PRKG1: variants seen among roughly 807,000 people sequenced by gnomAD.
PRKG1 encodes protein kinase cGMP-dependent 1.
In PRKG1, 35 loss-of-function variants were observed where a neutral mutation model predicts 88.1. The observed-to-expected ratio is 0.40, with a 90% CI of 0.30 to 0.53. PRKG1 has a LOEUF of 0.53. Ranked by LOEUF, PRKG1 falls within the 20% of genes least tolerant of loss-of-function variation. The probability of loss-of-function intolerance (pLI) is 0.59; values close to 1 mark genes in which losing one functional copy is unlikely to be tolerated. For missense variants in PRKG1, 540 were observed against 839.8 expected, an observed-to-expected ratio of 0.64 and a Z score of 4.41; for synonymous variants, 303 against 292.5, an observed-to-expected ratio of 1.04 and a Z score of -0.37.
At chr10:52,275,633 C>CT (rs1170415590) in intron 12 of PRKG1, among the ~76,000 whole-genome samples, 1 of 152,032 alleles carries the variant, frequency 6.6e-6, no homozygotes, top group Non-Finnish European at 1.5e-5. Context: ...CAGATTTGTT[C>CT]TTTTTGCTTA....
At chr10:51,043,658 C>G (rs529713478) in intron 1 of PRKG1, among the ~76,000 whole-genome samples, 64 of 152,268 alleles carry the variant, frequency 4.2e-4, no homozygotes, top group Non-Finnish European at 6.8e-4. Flanking sequence ...AATGATTAAC[C>G]ACCTATACCA....
At chr10:52,238,569 A>C (rs1378338994) in intron 9 of PRKG1, among the ~76,000 whole-genome samples, 1 of 151,600 alleles carries the variant, frequency 6.6e-6, no homozygotes, top group Non-Finnish European at 1.5e-5. Context: ...CACATGAAAA[A>C]ATGCTCATCA....
intron 8 of PRKG1, among the ~76,000 whole-genome samples, chr10:52,143,294 A>G (rs1247064858): frequency 6.6e-6 from 1 of 152,044 alleles, no homozygotes; most frequent in Non-Finnish European, 1.5e-5. Context: ...GCACACCACT[A>G]TTGACATTTG....
At chr10:51,814,150 G>A (rs943250647) in intron 4 of PRKG1, among the ~76,000 whole-genome samples, 4 of 152,144 alleles carry the variant, frequency 2.6e-5, no homozygotes, top group African/African-American at 9.7e-5. Flanking sequence ...CTGTAAGTGG[G>A]ACCTGTTCTT....
chr10:51,864,471 A>G (rs1222662973), intron 4 of PRKG1, among the ~76,000 whole-genome samples: 1 of 152,242 alleles, frequency 6.6e-6, no homozygotes, highest in African/African-American at 2.4e-5. Flanking sequence ...ATTTAAGCTA[A>G]TCTGTTGACT....
intron 3 of PRKG1, among the ~76,000 whole-genome samples, chr10:51,484,741 C>G (rs187893911): frequency 6.6e-6 from 1 of 152,236 alleles, no homozygotes; most frequent in Admixed American, 6.5e-5. Flanking sequence ...TAAACATGTT[C>G]TTTAATTTGA....
Position 51,250,009 on chromosome 10 carries a change from TG to T in PRKG1, c.478+96680del, listed in dbSNP as rs1246966287. 7.2e-5 allele frequency among the ~76,000 whole-genome samples: 11 copies of T among 151,932 alleles called. No individual in the cohort carries two copies. In the East Asian group the frequency reaches 2.1e-3, roughly 29 times the overall value. ...GTAATTCTTATCATCTAGGGTACTT[TG>T]TTTATTAGAGGAGAAAACTGAGACC... On this transcript the variant is annotated intron_variant, in intron 2 of 17. Transcript: ENST00000373980.
intron 12 of PRKG1, among the ~76,000 whole-genome samples, chr10:52,278,832 G>A (rs1252735157): frequency 6.6e-6 from 1 of 151,670 alleles, no homozygotes; most frequent in East Asian, 1.9e-4. Flanking sequence ...GAACCCAGGA[G>A]GCTGAGGTTG....
intron 4 of PRKG1, among the ~76,000 whole-genome samples, chr10:51,819,935 T>G (rs1383138778): frequency 6.6e-6 from 1 of 152,170 alleles, no homozygotes; most frequent in African/African-American, 2.4e-5. Context: ...ATGAAAAGCT[T>G]CATCATCATG....
At chr10:51,435,302 C>T (rs1838891238) in intron 2 of PRKG1, among the ~76,000 whole-genome samples, 1 of 151,950 alleles carries the variant, frequency 6.6e-6, no homozygotes, top group South Asian at 2.1e-4. Flanking sequence ...TGTTTCATGG[C>T]TTTAAGACAA....
intron 2 of PRKG1, among the ~76,000 whole-genome samples, chr10:51,365,403 G>A (rs1411620314): frequency 2.0e-5 from 3 of 151,916 alleles, no homozygotes; most frequent in African/African-American, 7.2e-5. Context: ...ATAATCAGAA[G>A]GCAGTTAGTA....
In PRKG1 at chr10:52,009,028, C is replaced by A. The variant is rs369782493; in HGVS notation, c.763-45456C>A. On this transcript the variant is annotated intron_variant, in intron 5 of 17. Transcript: ENST00000373980. ...AACTAGGCATTGAAGAAATATACTT[C>A]AAAAAAATAAAAGCCATCTATGACA... 3.1e-3 allele frequency among the ~76,000 whole-genome samples: 469 copies of A among 152,020 alleles called. 2 individuals are homozygous for A. The highest frequency in any genetic ancestry group is 0.011 in the African/African-American group (449 of 41,492).
intron 2 of PRKG1, among the ~76,000 whole-genome samples, chr10:51,393,787 C>T (rs1837504070): frequency 6.6e-6 from 1 of 152,042 alleles, no homozygotes; most frequent in African/African-American, 2.4e-5. Context: ...TGACTTTTGT[C>T]TTATTGTTGA....
chr10:51,395,295 A>G (rs1837546882), intron 2 of PRKG1, among the ~76,000 whole-genome samples: 1 of 152,240 alleles, frequency 6.6e-6, no homozygotes, highest in African/African-American at 2.4e-5. Flanking sequence ...AACCTGTTAC[A>G]CTTATTTCTC....
intron 17 of PRKG1, among the ~76,000 whole-genome samples, chr10:52,293,289 A>G (rs1056051992): frequency 1.3e-5 from 2 of 151,922 alleles, no homozygotes; most frequent in Admixed American, 6.6e-5. Context: ...AGAACATTCC[A>G]TGCTCATGGG....
intron 3 of PRKG1, among the ~76,000 whole-genome samples, chr10:51,596,070 C>A (rs1159967309): frequency 1.3e-5 from 2 of 152,070 alleles, no homozygotes; most frequent in East Asian, 3.9e-4. Context: ...ACCTCATGAT[C>A]CACCTGCCTC....
intron 3 of PRKG1, among the ~76,000 whole-genome samples, chr10:51,645,037 G>A (rs1013751036): frequency 2.0e-5 from 3 of 152,216 alleles, no homozygotes; most frequent in African/African-American, 7.2e-5. Context: ...AGCCAGACTG[G>A]TCTCAAACTC....
At chr10:51,818,235 T>C (rs1373299415) in intron 4 of PRKG1, among the ~76,000 whole-genome samples, 1 of 152,148 alleles carries the variant, frequency 6.6e-6, no homozygotes. Flanking sequence ...TAGAATATTA[T>C]TTTAGAATTT....
chr10:51,381,556 A>G (rs575752943), intron 2 of PRKG1, among the ~76,000 whole-genome samples: 38 of 152,236 alleles, frequency 2.5e-4, no homozygotes, highest in African/African-American at 9.1e-4. Flanking sequence ...TATAGTTTCA[A>G]GTTTCTCTCT....
Sources: allele counts gnomAD v4.1 joint callset (sites outside exome capture counted in the v4.1 genomes callset), GRCh38; gene constraint gnomAD v4.1.1; transcripts MANE v1.5; gene names NCBI Gene and HGNC (gene_info 2026-07-23, HGNC 2026-07-21).